The following TLL1 variants were observed in gnomAD, a reference collection of about 807,000 sequenced individuals.
TLL1 encodes the protein tolloid like 1.
TLL1 carries 49 observed loss-of-function variants against 128.2 expected under a neutral mutation model. That is an observed-to-expected ratio of 0.38 (90% CI 0.30 to 0.48). TLL1 has a LOEUF of 0.48. Among genes scored for constraint, TLL1 ranks in the 20% least tolerant of loss-of-function variants. TLL1 has a pLI of 0.96. For missense variants in TLL1, 1,123 were observed against 1,242.0 expected, an observed-to-expected ratio of 0.90 and a Z score of 1.44; for synonymous variants, 454 against 418.8, an observed-to-expected ratio of 1.08 and a Z score of -1.03.
intron 1 of TLL1, among the ~76,000 whole-genome samples, chr4:165,962,096 G>A (rs1161345598): frequency 6.6e-6 from 1 of 152,096 alleles, no homozygotes; most frequent in Non-Finnish European, 1.5e-5. Context: ...AAATTGAAGA[G>A]CTTCTGAACA....
intron 1 of TLL1, among the ~76,000 whole-genome samples, chr4:165,965,604 C>G (rs1735327497): frequency 6.6e-6 from 1 of 152,150 alleles, no homozygotes; most frequent in South Asian, 2.1e-4. Flanking sequence ...ATAGCAATGG[C>G]TGGAGAGAAG....
At chr4:165,965,329 T>C (rs1200116454) in intron 1 of TLL1, among the ~76,000 whole-genome samples, 2 of 152,200 alleles carry the variant, frequency 1.3e-5, no homozygotes, top group African/African-American at 4.8e-5. Flanking sequence ...ACCCCTTTAC[T>C]CTAAAGTCAG....
intron 1 of TLL1, among the ~76,000 whole-genome samples, chr4:165,887,752 G>A (rs28610977): frequency 0.059 from 8,912 of 152,144 alleles, 720 homozygotes; most frequent in African/African-American, 0.17. Context: ...TTATTTTAAA[G>A]AGAATTGTTT....
chr4:166,091,049 T>C, intron 18 of TLL1, 79 bp from the exon 19 acceptor site: 1 of 1,182,660 alleles, frequency 8.5e-7, no homozygotes, highest in Non-Finnish European at 1.2e-6. Flanking sequence ...TTTATTGATA[T>C]GTATTTCTGT....
At chr4:166,060,721 T>C (rs1740271701) in intron 15 of TLL1, among the ~76,000 whole-genome samples, 1 of 152,226 alleles carries the variant, frequency 6.6e-6, no homozygotes, top group Admixed American at 6.5e-5. Context: ...CTTACTCTAC[T>C]AAAGGTACAG....
At chr4:165,942,150 A>G (rs1188666123) in intron 1 of TLL1, among the ~76,000 whole-genome samples, 1 of 151,632 alleles carries the variant, frequency 6.6e-6, no homozygotes, top group Admixed American at 6.6e-5. Context: ...TTTTTTGGCC[A>G]TTTCTCTCCA....
At position 166,091,300 on chromosome 4, in the gene TLL1, C is replaced by T; in HGVS notation, c.2615C>T (p.Ala872Val). Residue 872 changes from alanine (A) to valine (V), a missense_variant, in exon 19 of 21, where the codon GCA (alanine) becomes GTA (valine). Coordinates refer to ENST00000061240, the MANE Select transcript of TLL1 (RefSeq NM_012464.5). ...ATGTTTGTTCGGTTTGTTTCTGATG[C>T]ATCTGTTCAAAGAAAAGGCTTTCAA... ...NKMFVRFVSD[A>V]SVQRKGFQAT... is the part of the protein sequence containing the mutation. 2 of 1,612,936 alleles carry T rather than the reference C, an allele frequency of 1.2e-6. No individual in the cohort carries two copies. The highest frequency in any genetic ancestry group is 1.7e-6 in the Non-Finnish European group (2 of 1,179,366).
Position 166,099,354 on chromosome 4 carries a change from C to G in TLL1, c.2734C>G (p.Pro912Ala), listed in dbSNP as rs759274688. ...TGCTCAGTTTGGTGATAACAACTAC[C>G]CAGGACAGGTTGACTGTGAATGGCT... ...SHAQFGDNNYPGQVDCEWLLV... is the reference protein window; with the variant it reads ...SHAQFGDNNYAGQVDCEWLLV... The change falls in exon 20 of 21, where the codon CCA becomes GCA. Residue 912 changes from proline to alanine, a missense_variant. Pro to Ala is a conservative substitution (Grantham distance 27). Transcript: ENST00000061240. 3 of 1,613,460 alleles carry G rather than the reference C, an allele frequency of 1.9e-6. No individual in the cohort carries two copies. In the East Asian group the frequency reaches 6.7e-5, roughly 36 times the overall value.
intron 1 of TLL1, among the ~76,000 whole-genome samples, chr4:165,924,447 G>A (rs1733179576): frequency 6.6e-6 from 1 of 152,202 alleles, no homozygotes; most frequent in Non-Finnish European, 1.5e-5. Flanking sequence ...TTAAGCCAAA[G>A]CCTAATCCAG....
At chr4:165,975,962 C>T (rs938010885) in intron 1 of TLL1, among the ~76,000 whole-genome samples, 2 of 129,642 alleles carry the variant, frequency 1.5e-5, no homozygotes, top group African/African-American at 2.9e-5. Context: ...TGCTGGAATC[C>T]GGGAGGTAGA....
At chr4:165,962,022 A>T (rs1735131066) in intron 1 of TLL1, among the ~76,000 whole-genome samples, 1 of 152,134 alleles carries the variant, frequency 6.6e-6, no homozygotes, top group South Asian at 2.1e-4. Flanking sequence ...ATTGGCAAAA[A>T]ATTTATGGCT....
chr4:166,063,959 C>T (rs111563121), intron 15 of TLL1, among the ~76,000 whole-genome samples: 4,194 of 151,188 alleles, frequency 0.028, 188 homozygotes, highest in African/African-American at 0.092. Context: ...ACAAACTTCA[C>T]GTTGTGCACA....
At chr4:166,034,642 G>C (rs1350860114) in intron 9 of TLL1, among the ~76,000 whole-genome samples, 1 of 152,030 alleles carries the variant, frequency 6.6e-6, no homozygotes, top group Admixed American at 6.6e-5. Context: ...GCATTGACAT[G>C]AAAAAGGAAA....
At chr4:166,032,293 T>C (rs891520185) in intron 9 of TLL1, among the ~76,000 whole-genome samples, 1 of 152,146 alleles carries the variant, frequency 6.6e-6, no homozygotes, top group Non-Finnish European at 1.5e-5. Flanking sequence ...AATTAACGTA[T>C]AGTAATTCCA....
intron 18 of TLL1, among the ~76,000 whole-genome samples, chr4:166,083,153 A>C: frequency 7.5e-6 from 1 of 133,136 alleles, no homozygotes; most frequent in Non-Finnish European, 1.7e-5. Context: ...TTGGGTCCCT[A>C]TGTATACAGT....
chr4:165,925,690 A>G (rs1411917704), intron 1 of TLL1, among the ~76,000 whole-genome samples: 6 of 152,204 alleles, frequency 3.9e-5, no homozygotes, highest in East Asian at 1.9e-4. Flanking sequence ...AAGAAGTTCT[A>G]TTGTAGGTAA....
At chr4:166,048,636 A>T (rs1376785689) in intron 12 of TLL1, among the ~76,000 whole-genome samples, 1 of 152,260 alleles carries the variant, frequency 6.6e-6, no homozygotes, top group Non-Finnish European at 1.5e-5. Context: ...AATTTTCAGT[A>T]AGAAGAAATA....
chr4:166,091,181 A>G lies in TLL1; in HGVS notation c.2496A>G (p.Leu832=). 6.2e-7 allele frequency: 1 copy of G among 1,613,238 alleles called. No homozygotes were observed. Among genetic ancestry groups the G allele is most frequent in the Non-Finnish European group, 8.5e-7 (1 of 1,179,494 alleles). The part of the protein sequence containing the change: ...EQHQECAYDH[L]EVFDGETEKS... Reference sequence around the variant, plus strand: ...ATCAAGAATGTGCTTATGACCACTTAGAAGTATTTGATGGAGAAACAGAAA... The same window carrying G: ...ATCAAGAATGTGCTTATGACCACTTGGAAGTATTTGATGGAGAAACAGAAA... The change falls in exon 19 of 21, where the codon TTA becomes TTG. Residue 832 remains leucine (L), a synonymous_variant. Transcript: ENST00000061240.
At chr4:166,047,592 A>G (rs1489802781) in intron 12 of TLL1, among the ~76,000 whole-genome samples, 9 of 151,748 alleles carry the variant, frequency 5.9e-5, no homozygotes, top group East Asian at 3.9e-4. Context: ...TCTACTTTAA[A>G]GAACTTCTTA....
Sources: gnomAD v4.1 joint callset for allele counts (sites outside exome capture counted in the v4.1 genomes callset) on GRCh38, gnomAD v4.1.1 for gene constraint, MANE v1.5 for transcripts, NCBI Gene and HGNC (gene_info 2026-07-23, HGNC 2026-07-21) for gene names.